The following ALCAM variants were observed in gnomAD, a reference collection of about 807,000 sequenced individuals.
The protein encoded by ALCAM is CD166 antigen.
ALCAM carries 30 observed loss-of-function variants against 70.9 expected under a neutral mutation model. The observed-to-expected ratio is 0.42, with a 90% CI of 0.32 to 0.57. The LOEUF (loss-of-function observed/expected upper bound fraction) is 0.57. Among genes scored for constraint, ALCAM ranks in the 20% least tolerant of loss-of-function variants. The pLI is 0.11. For synonymous variants in ALCAM, 249 were observed against 242.5 expected (o/e 1.03, Z -0.25); for missense variants, 591 against 695.1 (o/e 0.85, Z 1.68).
chr3:105,391,707 G>C (rs1191018450), intron 1 of ALCAM, among the ~76,000 whole-genome samples: 1 of 151,888 alleles, frequency 6.6e-6, no homozygotes, highest in Non-Finnish European at 1.5e-5. Context: ...CCATTCAGTG[G>C]GATATTGGCT....
chr3:105,395,242 T>C (rs1185523772), intron 1 of ALCAM, among the ~76,000 whole-genome samples: 1 of 151,974 alleles, frequency 6.6e-6, no homozygotes, highest in Non-Finnish European at 1.5e-5. Context: ...GTGACCACAA[T>C]GGAATATGTT....
chr3:105,520,308 G>A (rs1939501989), intron 2 of ALCAM, 141 bp downstream of exon 2: 22 of 563,904 alleles, frequency 3.9e-5, no homozygotes, highest in South Asian at 2.3e-4. Flanking sequence ...AAAATTGTGT[G>A]GAATATGGCA....
At chr3:105,519,869 C>CT (rs1939484183) in intron 1 of ALCAM, among the ~76,000 whole-genome samples, 198 bp from the exon 2 acceptor site, 2 of 152,102 alleles carry the variant, frequency 1.3e-5, no homozygotes, top group Admixed American at 1.3e-4. Context: ...CATTCAGTAG[C>CT]TAAATAGAAA....
chr3:105,367,491 G>C lies in ALCAM; in HGVS notation c.73+10G>C, dbSNP rs750994784. On this transcript the variant is annotated intron_variant, in intron 1 of 15. Coordinates refer to ENST00000306107, the MANE Select transcript of ALCAM (RefSeq NM_001627.4). ...ACCGTCTTCAGGCCAGGTGAGCAAG[G>C]GCCTGGGAGCAGCCCCAGACAGACG... The C allele has an allele frequency of 6.2e-7, 1 of 1,614,030 alleles. No individual in the cohort carries two copies. The highest frequency in any genetic ancestry group is 8.5e-7 in the Non-Finnish European group (1 of 1,179,920).
At chr3:105,384,683 G>T (rs563529602) in intron 1 of ALCAM, among the ~76,000 whole-genome samples, 3 of 151,366 alleles carry the variant, frequency 2.0e-5, no homozygotes, top group African/African-American at 7.3e-5. Flanking sequence ...GATAACTCTC[G>T]TTTATTAAAT....
chr3:105,419,075 G>A (rs1387282466), intron 1 of ALCAM, among the ~76,000 whole-genome samples: 7 of 151,620 alleles, frequency 4.6e-5, no homozygotes, highest in African/African-American at 1.7e-4. Context: ...TTTATAGCTT[G>A]TTAGAAGAAG....
At chr3:105,443,623 T>C (rs1208437827) in intron 1 of ALCAM, among the ~76,000 whole-genome samples, 2 of 152,214 alleles carry the variant, frequency 1.3e-5, no homozygotes, top group Non-Finnish European at 2.9e-5. Context: ...TTTTAAATTA[T>C]AATAAAACAT....
intron 7 of ALCAM, 32 bp from the exon 8 acceptor site, chr3:105,541,601 A>G (rs771476601): frequency 6.2e-7 from 1 of 1,608,016 alleles, no homozygotes; most frequent in East Asian, 2.2e-5. Context: ...GCGACCAAGT[A>G]TAATCATCTG....
intron 1 of ALCAM, among the ~76,000 whole-genome samples, chr3:105,464,402 C>G (rs1393954075): frequency 1.3e-5 from 2 of 151,128 alleles, no homozygotes; most frequent in East Asian, 3.9e-4. Context: ...CAAAGACGTA[C>G]AGGTGACTCT....
chr3:105,441,200 T>C (rs1321486024), intron 1 of ALCAM, among the ~76,000 whole-genome samples: 2 of 152,136 alleles, frequency 1.3e-5, no homozygotes, highest in Non-Finnish European at 2.9e-5. Flanking sequence ...TCTTAATATA[T>C]AACTTTTCTT....
At chr3:105,511,456 A>T (rs763493899) in intron 1 of ALCAM, among the ~76,000 whole-genome samples, 1 of 152,040 alleles carries the variant, frequency 6.6e-6, no homozygotes, top group Non-Finnish European at 1.5e-5. Flanking sequence ...AGAAAACTAG[A>T]TCTTATAGTA....
chr3:105,455,023 A>G (rs1937516136), intron 1 of ALCAM, among the ~76,000 whole-genome samples: 1 of 152,086 alleles, frequency 6.6e-6, no homozygotes, highest in African/African-American at 2.4e-5. Flanking sequence ...TTATGTGAAG[A>G]AACTCTTGTT....
At chr3:105,379,672 G>A (rs1389256701) in intron 1 of ALCAM, among the ~76,000 whole-genome samples, 2 of 151,766 alleles carry the variant, frequency 1.3e-5, no homozygotes, top group Non-Finnish European at 3.0e-5. Flanking sequence ...TTTCTCAAGT[G>A]TAATTCAATA....
intron 1 of ALCAM, among the ~76,000 whole-genome samples, chr3:105,494,286 C>A (rs1280402255): frequency 6.6e-6 from 1 of 152,096 alleles, no homozygotes; most frequent in Non-Finnish European, 1.5e-5. Flanking sequence ...AGTATAAAGT[C>A]ATCAGTTTTC....
chr3:105,566,616 G>A (rs1940748495), intron 14 of ALCAM, among the ~76,000 whole-genome samples: 1 of 152,104 alleles, frequency 6.6e-6, no homozygotes, highest in South Asian at 2.1e-4. Flanking sequence ...TTCGTTTACT[G>A]TGGTTGCTAT....
intron 1 of ALCAM, among the ~76,000 whole-genome samples, chr3:105,451,191 G>T (rs754223065): frequency 2.0e-5 from 3 of 151,900 alleles, no homozygotes; most frequent in Non-Finnish European, 4.4e-5. Context: ...TGTAGCTAAG[G>T]AGTTCAAGAC....
At chr3:105,439,453 A>G (rs1188499549) in intron 1 of ALCAM, 1 of 152,152 alleles carries the variant, frequency 6.6e-6, no homozygotes, top group Non-Finnish European at 1.5e-5. Flanking sequence ...TTTTTCATAT[A>G]TAGAAAGTCA....
intron 1 of ALCAM, among the ~76,000 whole-genome samples, chr3:105,449,124 A>G (rs1055739100): frequency 2.0e-5 from 3 of 152,222 alleles, no homozygotes; most frequent in Non-Finnish European, 4.4e-5. Context: ...GCATATTTAC[A>G]TATGAATATA....
At chr3:105,459,141 A>C (rs1252463081) in intron 1 of ALCAM, among the ~76,000 whole-genome samples, 2 of 152,128 alleles carry the variant, frequency 1.3e-5, no homozygotes, top group Non-Finnish European at 2.9e-5. Flanking sequence ...ATTATCCAGA[A>C]GTATGAACTC....
Sources: allele counts gnomAD v4.1 joint callset (sites outside exome capture counted in the v4.1 genomes callset), GRCh38; gene constraint gnomAD v4.1.1; transcripts MANE v1.5; gene names NCBI Gene and HGNC (gene_info 2026-07-23, HGNC 2026-07-21).